Variants in BTBD8 observed in about 807,000 individuals in gnomAD.
BTBD8 encodes the protein BTB domain containing 8.
Under a neutral mutation model 162.9 loss-of-function variants are expected in BTBD8, and 110 were observed. That is an observed-to-expected ratio of 0.68 (90% CI 0.58 to 0.79). BTBD8 has a LOEUF of 0.79. BTBD8 is among the 30% of genes least tolerant of loss of function. BTBD8 has a pLI of 0.00. For missense variants in BTBD8, 1,905 were observed against 2,085.4 expected (o/e 0.91, Z 1.68); for synonymous variants, 667 against 716.1 (o/e 0.93, Z 1.10).
chr1:92,131,728 A>C (rs143724794), intron 5 of BTBD8, among the ~76,000 whole-genome samples: 21 of 152,036 alleles, frequency 1.4e-4, no homozygotes, highest in African/African-American at 4.8e-4. Flanking sequence ...TGTCTCAAAA[A>C]AAAAAAAAAA....
At chr1:92,183,819 C>G (rs1650996597) in intron 17 of BTBD8, 45 bp from the exon 18 acceptor site, 6 of 1,302,382 alleles carry the variant, frequency 4.6e-6, no homozygotes, top group Non-Finnish European at 6.3e-6. Flanking sequence ...TCTGAGGGTA[C>G]CAACGTGCAA....
intron 4 of BTBD8, among the ~76,000 whole-genome samples, chr1:92,120,111 T>G (rs1311449819): frequency 6.6e-6 from 1 of 151,928 alleles, no homozygotes; most frequent in Non-Finnish European, 1.5e-5. Flanking sequence ...ATCTCTAACT[T>G]GAACTCCTGA....
intron 9 of BTBD8, among the ~76,000 whole-genome samples, chr1:92,158,853 G>A (rs1650221042): frequency 6.6e-6 from 1 of 152,106 alleles, no homozygotes; most frequent in South Asian, 2.1e-4. Flanking sequence ...ACAGCTCACT[G>A]CAGCCTTGAC....
chr1:92,092,058 T>C (rs183135308), intron 2 of BTBD8, among the ~76,000 whole-genome samples: 72 of 152,194 alleles, frequency 4.7e-4, no homozygotes, highest in Non-Finnish European at 8.8e-4. Flanking sequence ...AGGAGTTAGG[T>C]TGAAATGAGT....
intron 1 of BTBD8, among the ~76,000 whole-genome samples, chr1:92,081,821 G>A (rs1247254679): frequency 6.6e-6 from 1 of 152,170 alleles, no homozygotes; most frequent in African/African-American, 2.4e-5. Context: ...TGATCCGCCC[G>A]CCTCGGCCTC....
chr1:92,179,822 T>G (rs1206614759), intron 16 of BTBD8, among the ~76,000 whole-genome samples: 1 of 152,220 alleles, frequency 6.6e-6, no homozygotes, highest in Non-Finnish European at 1.5e-5. Context: ...TTTTAACAGT[T>G]CTATTTATTT....
chr1:92,139,072 G>C (rs892007338), intron 5 of BTBD8, among the ~76,000 whole-genome samples: 4 of 152,182 alleles, frequency 2.6e-5, no homozygotes, highest in Admixed American at 2.0e-4. Flanking sequence ...ACAGTGAGTA[G>C]AAGTGTTTTC....
At chr1:92,094,837 T>G (rs1648404712) in intron 2 of BTBD8, among the ~76,000 whole-genome samples, 1 of 152,176 alleles carries the variant, frequency 6.6e-6, no homozygotes. Context: ...CATCAAGAGC[T>G]GGGAGATACC....
intron 9 of BTBD8, among the ~76,000 whole-genome samples, chr1:92,156,551 G>A (rs1160124265): frequency 6.6e-6 from 1 of 152,134 alleles, no homozygotes; most frequent in Non-Finnish European, 1.5e-5. Context: ...GTAGAATTCA[G>A]TAATGAAGCT....
chr1:92,110,679 A>G (rs1044537444), intron 4 of BTBD8, among the ~76,000 whole-genome samples: 1 of 151,984 alleles, frequency 6.6e-6, no homozygotes, highest in African/African-American at 2.4e-5. Flanking sequence ...AGTACCTGGG[A>G]CTACAGGCAT....
At chr1:92,118,229 T>C (rs1240848989) in intron 4 of BTBD8, among the ~76,000 whole-genome samples, 1 of 151,814 alleles carries the variant, frequency 6.6e-6, no homozygotes, top group African/African-American at 2.4e-5. Flanking sequence ...ACATTATGCT[T>C]AGTTGTCCTG....
chr1:92,176,803 CA>C (rs1236100852), intron 13 of BTBD8, 25 bp from the exon 14 acceptor site: 7 of 1,102,966 alleles, frequency 6.3e-6, no homozygotes, highest in Non-Finnish European at 8.6e-6. Flanking sequence ...AGTCAAATTA[CA>C]AAGTATTTTT....
chr1:92,168,095 C>T (rs1477837812), intron 11 of BTBD8, 110 bp downstream of exon 11: 1 of 874,030 alleles, frequency 1.1e-6, no homozygotes, highest in Non-Finnish European at 1.6e-6. Context: ...CAGTGGATAC[C>T]TAGGGGTGGA....
chr1:92,126,032 G>A, intron 4 of BTBD8: 1 of 480,356 alleles, frequency 2.1e-6, no homozygotes, highest in Admixed American at 2.4e-5. Flanking sequence ...GAATCCATAT[G>A]GGAAGCACAC....
At chr1:92,115,287 G>T in intron 4 of BTBD8, 2 of 461,782 alleles carry the variant, frequency 4.3e-6, no homozygotes, top group South Asian at 3.9e-5. Context: ...CTGTGATCCT[G>T]ATTCCTCCCA....
chr1:92,144,120 C>T (rs535041874), intron 7 of BTBD8, among the ~76,000 whole-genome samples: 32 of 150,870 alleles, frequency 2.1e-4, no homozygotes, highest in African/African-American at 7.3e-4. Flanking sequence ...ACTACAGACG[C>T]GTGCCACCAT....
At chr1:92,104,420 T>C (rs1315540911) in intron 3 of BTBD8, among the ~76,000 whole-genome samples, 1 of 152,216 alleles carries the variant, frequency 6.6e-6, no homozygotes, top group Non-Finnish European at 1.5e-5. Context: ...TGTTACAGAC[T>C]GATGTTATCA....
intron 10 of BTBD8, 99 bp from the exon 11 acceptor site, chr1:92,167,749 T>G: frequency 4.3e-6 from 4 of 940,006 alleles, no homozygotes; most frequent in Non-Finnish European, 6.1e-6. Context: ...TCTGGTTGAC[T>G]TCATACAGCT....
At chr1:92,134,277 T>A (rs964040134) in intron 5 of BTBD8, among the ~76,000 whole-genome samples, 3 of 152,232 alleles carry the variant, frequency 2.0e-5, no homozygotes, top group Non-Finnish European at 2.9e-5. Flanking sequence ...ATAAATGAGA[T>A]GTATTTTCTG....
Sources: allele counts gnomAD v4.1 joint callset (sites outside exome capture counted in the v4.1 genomes callset), GRCh38; gene constraint gnomAD v4.1.1; transcripts MANE v1.5; gene names NCBI Gene and HGNC (gene_info 2026-07-23, HGNC 2026-07-21).